Variants in TLN2 observed in about 807,000 individuals in gnomAD.
TLN2 encodes the protein talin 2.
A neutral mutation model predicts 294.7 loss-of-function variants in TLN2; 118 were observed. That is an observed-to-expected ratio of 0.40 (90% confidence interval 0.34 to 0.47). The LOEUF (loss-of-function observed/expected upper bound fraction) is 0.47, where lower values mean the gene tolerates loss of function less well. Ranked by LOEUF, TLN2 falls within the 20% of genes least tolerant of loss-of-function variation. The pLI is 0.84. For synonymous variants in TLN2, 1,431 were observed against 1,304.5 expected (o/e 1.10, Z -2.09); for missense variants, 3,083 against 3,282.2 (o/e 0.94, Z 1.48).
At chr15:62,572,871 C>G (rs989873864) in intron 1 of TLN2, among the ~76,000 whole-genome samples, 6 of 152,194 alleles carry the variant, frequency 3.9e-5, no homozygotes, top group East Asian at 1.9e-4. Context: ...TTCGCCACCC[C>G]CTCCTGCTGC....
chr15:62,442,519 T>C (rs865915879), intron 1 of TLN2, among the ~76,000 whole-genome samples: 5 of 140,670 alleles, frequency 3.6e-5, no homozygotes, highest in Non-Finnish European at 7.7e-5. Flanking sequence ...AAAAAAAAAT[T>C]AGAGGATGTC....
chr15:62,477,612 A>G (rs557929454), intron 1 of TLN2, among the ~76,000 whole-genome samples: 1 of 152,192 alleles, frequency 6.6e-6, no homozygotes, highest in South Asian at 2.1e-4. Context: ...GTGGAATCCT[A>G]TGGGCTCTCT....
At chr15:62,770,089 C>G (rs1049884605) in intron 41 of TLN2, among the ~76,000 whole-genome samples, 1 of 152,224 alleles carries the variant, frequency 6.6e-6, no homozygotes, top group Non-Finnish European at 1.5e-5. Flanking sequence ...ACTGTGGCAG[C>G]TGAGAGCCAG....
intron 8 of TLN2, among the ~76,000 whole-genome samples, chr15:62,657,235 A>G (rs547940483): frequency 1.3e-5 from 2 of 151,952 alleles, no homozygotes; most frequent in African/African-American, 4.8e-5. Context: ...CCATTTTAGG[A>G]TGCATTCGCT....
rs372498240 is a variant in TLN2, at chr15:62,686,625, G to C, written c.958-16G>C. On this transcript the variant is annotated splice_polypyrimidine_tract_variant and intron_variant, in intron 11 of 58. Transcript: ENST00000636159. Reference sequence around the variant, plus strand: ...TTCAGAAGAAGAGCACTGACTCTTGGTATCTCCTGTTTCAGGAGAAGATGA... The same window carrying C: ...TTCAGAAGAAGAGCACTGACTCTTGCTATCTCCTGTTTCAGGAGAAGATGA... The C allele has an allele frequency of 1.2e-6, 2 of 1,605,738 alleles. No homozygotes were observed. The highest frequency in any genetic ancestry group is 1.3e-5 in the African/African-American group (1 of 74,692).
chr15:62,785,306 T>C (rs2064548034), intron 45 of TLN2, among the ~76,000 whole-genome samples: 1 of 152,200 alleles, frequency 6.6e-6, no homozygotes, highest in Non-Finnish European at 1.5e-5. Context: ...GACTAACCTA[T>C]AATTTTGAAC....
intron 3 of TLN2, among the ~76,000 whole-genome samples, chr15:62,631,559 TTC>T: frequency 6.8e-6 from 1 of 147,474 alleles, no homozygotes; most frequent in Non-Finnish European, 1.5e-5. Context: ...TTCCTTTCCT[TTC>T]CTTTCCTTTC....
intron 1 of TLN2, among the ~76,000 whole-genome samples, chr15:62,410,114 C>CT (rs1356102858): frequency 5.9e-5 from 9 of 151,916 alleles, no homozygotes; most frequent in Non-Finnish European, 1.3e-4. Context: ...TGGTGGTGTG[C>CT]GCCTGTAATC....
At chr15:62,718,512 G>C (rs1201453233) in intron 24 of TLN2, among the ~76,000 whole-genome samples, 2 of 152,178 alleles carry the variant, frequency 1.3e-5, no homozygotes, top group East Asian at 3.9e-4. Flanking sequence ...CTTCAGAAAT[G>C]GCCTTTGCTT....
chr15:62,793,905 C>T (rs755703920), intron 46 of TLN2, among the ~76,000 whole-genome samples: 4 of 150,134 alleles, frequency 2.7e-5, no homozygotes, highest in South Asian at 2.1e-4. Flanking sequence ...CTGCTCTGTC[C>T]GTGGCCCTCC....
chr15:62,590,763 C>T (rs1360540785), intron 2 of TLN2, among the ~76,000 whole-genome samples: 4 of 152,176 alleles, frequency 2.6e-5, no homozygotes, highest in African/African-American at 9.7e-5. Context: ...ACACAGGGTT[C>T]TTCTGCCGGT....
intron 12 of TLN2, among the ~76,000 whole-genome samples, chr15:62,692,428 G>A (rs1394994380): frequency 6.6e-6 from 1 of 152,206 alleles, no homozygotes; most frequent in Non-Finnish European, 1.5e-5. Flanking sequence ...TTGTTGAGCT[G>A]GAGTTGGAGC....
intron 1 of TLN2, among the ~76,000 whole-genome samples, chr15:62,403,252 G>C (rs889340391): frequency 1.3e-5 from 2 of 151,398 alleles, no homozygotes; most frequent in African/African-American, 4.8e-5. Flanking sequence ...AAAAACAGCA[G>C]GAAGAAAATA....
intron 3 of TLN2, chr15:62,638,633 T>C (rs1241764675): frequency 2.2e-6 from 1 of 455,892 alleles, no homozygotes; most frequent in Non-Finnish European, 4.4e-6. Context: ...AAATGGAAAA[T>C]AGTATCAAAG....
chr15:62,556,867 ACTTTT>A (rs1170354476), intron 1 of TLN2, among the ~76,000 whole-genome samples: 1 of 152,196 alleles, frequency 6.6e-6, no homozygotes, highest in Non-Finnish European at 1.5e-5. Flanking sequence ...ACATTTCTGA[ACTTTT>A]CTTTATAAGG....
chr15:62,725,602 G>A (rs2060395533), intron 27 of TLN2, among the ~76,000 whole-genome samples: 1 of 152,140 alleles, frequency 6.6e-6, no homozygotes, highest in Non-Finnish European at 1.5e-5. Flanking sequence ...CTCCTCATTT[G>A]TATGTACTTC....
chr15:62,607,208 A>T (rs1446123718), intron 2 of TLN2, among the ~76,000 whole-genome samples: 3 of 152,096 alleles, frequency 2.0e-5, no homozygotes, highest in Non-Finnish European at 4.4e-5. Context: ...CCTCTGGGGA[A>T]AAGATCTCTC....
chr15:62,568,189 G>A lies in TLN2; in HGVS notation c.-237-21498G>A, dbSNP rs183987742. Among the ~76,000 whole-genome samples, 12 of 152,220 alleles carry A rather than the reference G, an allele frequency of 7.9e-5. No individual in the cohort carries two copies. The East Asian group carries it at 2.3e-3, about 30-fold the overall frequency. ...CATGGTCCTTGTCCCAGTGTGGCTGGGGCTGGCAGGGCTGGGCAGCAGGAG... is the reference window on the plus strand; with the variant it reads ...CATGGTCCTTGTCCCAGTGTGGCTGAGGCTGGCAGGGCTGGGCAGCAGGAG... On this transcript the variant is annotated intron_variant, in intron 1 of 58. Transcript: ENST00000636159.
chr15:62,691,593 G>A (rs2057916193), intron 12 of TLN2, among the ~76,000 whole-genome samples: 1 of 152,134 alleles, frequency 6.6e-6, no homozygotes, highest in African/African-American at 2.4e-5. Context: ...GTTGGCATGA[G>A]TTGATGATCT....
Sources: gnomAD v4.1 joint callset for allele counts (sites outside exome capture counted in the v4.1 genomes callset) on GRCh38, gnomAD v4.1.1 for gene constraint, MANE v1.5 for transcripts, NCBI Gene and HGNC (gene_info 2026-07-23, HGNC 2026-07-21) for gene names.